The following GRIK2 variants were observed in gnomAD, a reference collection of about 807,000 sequenced individuals.
GRIK2 encodes glutamate receptor ionotropic, kainate 2.
GRIK2 carries 32 observed loss-of-function variants against 100.3 expected under a neutral mutation model. The observed-to-expected ratio is 0.32, with a 90% confidence interval of 0.24 to 0.43. GRIK2 has a LOEUF of 0.43. GRIK2 is among the 20% of genes least tolerant of loss of function. GRIK2 has a pLI of 1.00. For missense variants in GRIK2, 843 were observed against 1,114.9 expected (o/e 0.76, Z 3.47); for synonymous variants, 417 against 389.4 (o/e 1.07, Z -0.83).
chr6:101,760,068 A>G (rs1777407561), intron 7 of GRIK2, among the ~76,000 whole-genome samples: 1 of 140,260 alleles, frequency 7.1e-6, no homozygotes, highest in Admixed American at 7.2e-5. Flanking sequence ...ACGGGGTTTC[A>G]CCTTGTTAGC....
At position 101,622,095 on chromosome 6, in the gene GRIK2, A is replaced by T; in HGVS notation, c.262A>T (p.Ser88Cys). ...TACCCAGAAGATAAACCTTTATGAT[A>T]GTTTTGAAGCATCCAAGAAAGGTAA... is the stretch of plus-strand genomic sequence containing the variant. ...YDTQKINLYDSFEASKKACDQ... is the reference protein window; with the variant it reads ...YDTQKINLYDCFEASKKACDQ... Residue 88 changes from serine to cysteine, a missense_variant, in exon 3 of 17, where the codon AGT (serine) becomes TGT (cysteine). Physicochemically the swap from Ser to Cys is moderately radical, Grantham distance 112. This residue lies in a region of GRIK2 where 519 missense variants were observed against 643.8 expected (regional missense o/e 0.81). Coordinates refer to ENST00000369134, the MANE Select transcript of GRIK2 (RefSeq NM_021956.5). The T allele has an allele frequency of 1.3e-6, 2 of 1,596,014 alleles. No homozygotes were observed.
chr6:101,735,331 G>A (rs75652642), intron 7 of GRIK2, among the ~76,000 whole-genome samples: 1,909 of 152,252 alleles, frequency 0.013, 39 homozygotes, highest in African/African-American at 0.044. Flanking sequence ...TATTCAATAT[G>A]TTGACATTTA....
At chr6:101,634,255 T>TTTAGTAAG (rs1268861808) in intron 4 of GRIK2, among the ~76,000 whole-genome samples, 1 of 152,088 alleles carries the variant, frequency 6.6e-6, no homozygotes, top group African/African-American at 2.4e-5. Context: ...GATTGTAGAA[T>TTTAGTAAG]TTAGTAAGTG....
intron 14 of GRIK2, among the ~76,000 whole-genome samples, chr6:101,982,335 A>G (rs905660039): frequency 1.3e-5 from 2 of 151,882 alleles, no homozygotes; most frequent in African/African-American, 4.8e-5. Context: ...ATTTTCTGGT[A>G]AAAATAAAAT....
chr6:102,046,694 A>G (rs1160486765), intron 15 of GRIK2, among the ~76,000 whole-genome samples: 1 of 152,128 alleles, frequency 6.6e-6, no homozygotes, highest in Admixed American at 6.6e-5. Flanking sequence ...GGACTATTAA[A>G]ACTTTATATG....
At chr6:101,714,927 C>A (rs901903517) in intron 7 of GRIK2, among the ~76,000 whole-genome samples, 2 of 151,498 alleles carry the variant, frequency 1.3e-5, no homozygotes, top group African/African-American at 4.8e-5. Context: ...ATAATATAAA[C>A]AAATACACTC....
chr6:101,922,141 C>CCCTCCTTCCCTCCCTTCCT, intron 12 of GRIK2, among the ~76,000 whole-genome samples: 1 of 56,512 alleles, frequency 1.8e-5, no homozygotes, highest in Admixed American at 2.2e-4. Flanking sequence ...CCTTCCTTCC[C>CCCTCCTTCCCTCCCTTCCT]TCCCTTCCTC....
intron 2 of GRIK2, among the ~76,000 whole-genome samples, chr6:101,577,622 G>T (rs528154478): frequency 2.2e-4 from 33 of 152,104 alleles, no homozygotes; most frequent in African/African-American, 7.5e-4. Context: ...ACACATAGTG[G>T]ATCTGTTTAT....
intron 15 of GRIK2, among the ~76,000 whole-genome samples, chr6:102,047,828 T>C (rs1770975054): frequency 6.6e-6 from 1 of 152,056 alleles, no homozygotes; most frequent in Non-Finnish European, 1.5e-5. Flanking sequence ...AAACTTTCAT[T>C]GTAATTTCTC....
At chr6:101,943,983 T>C (rs1578288) in intron 14 of GRIK2, among the ~76,000 whole-genome samples, 5,215 of 152,180 alleles carry the variant, frequency 0.034, 318 homozygotes, top group African/African-American at 0.12. Flanking sequence ...GAGTTGTAAT[T>C]CCCATGTTTT....
chr6:102,013,465 A>G (rs910099980), intron 14 of GRIK2, among the ~76,000 whole-genome samples: 11 of 152,142 alleles, frequency 7.2e-5, no homozygotes, highest in African/African-American at 2.2e-4. Context: ...GACTTTCAAT[A>G]CTATTTTGAA....
intron 4 of GRIK2, among the ~76,000 whole-genome samples, chr6:101,631,384 G>A (rs1354834162): frequency 6.6e-6 from 1 of 152,106 alleles, no homozygotes; most frequent in Non-Finnish European, 1.5e-5. Context: ...GTAAACAGAA[G>A]CATGGGATTC....
At chr6:101,795,425 G>A (rs1286738809) in intron 7 of GRIK2, among the ~76,000 whole-genome samples, 1 of 152,178 alleles carries the variant, frequency 6.6e-6, no homozygotes, top group Non-Finnish European at 1.5e-5. Context: ...GGTGTTATCA[G>A]TGGGCTAAGT....
intron 7 of GRIK2, among the ~76,000 whole-genome samples, chr6:101,757,123 C>G (rs1423096886): frequency 6.6e-6 from 1 of 152,028 alleles, no homozygotes; most frequent in Non-Finnish European, 1.5e-5. Flanking sequence ...AATATATGCC[C>G]TCTCATTGAT....
At chr6:101,404,876 A>T (rs1279938888) in intron 2 of GRIK2, among the ~76,000 whole-genome samples, 1 of 152,210 alleles carries the variant, frequency 6.6e-6, no homozygotes, top group Non-Finnish European at 1.5e-5. Context: ...CATCATCATT[A>T]TTGACTAGTC....
chr6:101,899,614 T>C (rs1582488221), intron 12 of GRIK2, among the ~76,000 whole-genome samples: 1 of 152,248 alleles, frequency 6.6e-6, no homozygotes, highest in East Asian at 1.9e-4. Flanking sequence ...TTAATTACTT[T>C]TAACATTTCG....
intron 12 of GRIK2, among the ~76,000 whole-genome samples, chr6:101,895,014 T>C (rs940817772): frequency 5.9e-5 from 9 of 151,692 alleles, no homozygotes; most frequent in African/African-American, 1.9e-4. Flanking sequence ...CATTTACAAA[T>C]ACAAATAAAC....
At chr6:101,478,750 T>C (rs1181248590) in intron 2 of GRIK2, among the ~76,000 whole-genome samples, 1 of 152,044 alleles carries the variant, frequency 6.6e-6, no homozygotes, top group African/African-American at 2.4e-5. Context: ...GGTCTCGATC[T>C]CCTGACCTCG....
chr6:101,635,270 A>G (rs1300762193), intron 4 of GRIK2, among the ~76,000 whole-genome samples: 1 of 152,116 alleles, frequency 6.6e-6, no homozygotes, highest in East Asian at 1.9e-4. Flanking sequence ...GTGTAGTAGT[A>G]TTTCCACACA....
Sources: gnomAD v4.1 joint callset for allele counts (sites outside exome capture counted in the v4.1 genomes callset) on GRCh38, gnomAD v4.1.1 for gene constraint, gnomAD v4.1.1 regional missense constraint, MANE v1.5 for transcripts, NCBI Gene and HGNC (gene_info 2026-07-23, HGNC 2026-07-21) for gene names.